The following ZNF431 variants were observed in gnomAD, a reference collection of about 807,000 sequenced individuals.
ZNF431 encodes zinc finger protein 431.
ZNF431 carries 34 observed loss-of-function variants against 57.0 expected under a neutral mutation model. The ratio of observed to expected loss-of-function variants is 0.60; its 90% CI spans 0.45 to 0.79. ZNF431 has a LOEUF of 0.79. ZNF431 is among the 30% of genes least tolerant of loss of function. The probability of loss-of-function intolerance (pLI) is 0.00; values close to 1 mark genes in which losing one functional copy is unlikely to be tolerated. For synonymous variants in ZNF431, 207 were observed against 220.3 expected, an observed-to-expected ratio of 0.94 and a Z score of 0.54; for missense variants, 607 against 667.1, an observed-to-expected ratio of 0.91 and a Z score of 0.99.
In ZNF431 at chr19:21,156,578, T is replaced by C. The variant is rs558458824; in HGVS notation, c.97-9757T>C. 2.4e-4 allele frequency among the ~76,000 whole-genome samples: 37 copies of C among 152,262 alleles called. 1 individual carries two copies. In the South Asian group the frequency reaches 7.0e-3, roughly 29 times the overall value. ...TCTGTCGTTCCCTTCTTTGTGTCCA[T>C]GTGTTATTATTATTTAGCTCTTATA... On this transcript the variant is annotated intron_variant, in intron 2 of 4. Transcript: ENST00000311048.
At chr19:21,167,047 A>C (rs1970738511) in intron 3 of ZNF431, among the ~76,000 whole-genome samples, 2 of 152,090 alleles carry the variant, frequency 1.3e-5, no homozygotes, top group South Asian at 4.1e-4. Flanking sequence ...TAGTAGATAC[A>C]GTGTTTCACC....
chr19:21,163,331 A>G (rs987813459), intron 2 of ZNF431, among the ~76,000 whole-genome samples: 2 of 152,196 alleles, frequency 1.3e-5, no homozygotes, highest in South Asian at 4.1e-4. Context: ...TGTACCAGAA[A>G]TATTTGTGTT....
In ZNF431 at chr19:21,182,936, A is replaced by C. The variant is rs775080625; in HGVS notation, c.633A>C (p.Lys211Asn). Residue 211 changes from lysine to asparagine, a missense_variant, in exon 5 of 5, where the codon AAA becomes AAC. By Grantham distance (94) the Lys-to-Asn change is moderately conservative. Coordinates refer to ENST00000311048, the MANE Select transcript of ZNF431 (RefSeq NM_133473.4). The part of the protein sequence containing the change: ...KKPFKCKKCG[K>N]SFCMLLHLSQ... ...CTTTCAAATGTAAAAAATGTGGCAA[A>C]TCATTTTGCATGCTTTTACACCTAA... is the stretch of plus-strand genomic sequence containing the variant. The C allele has an allele frequency of 1.9e-5, 31 of 1,613,984 alleles. No individual in the cohort carries two copies. The highest frequency in any genetic ancestry group is 3.3e-5 in the South Asian group (3 of 91,076).
Position 21,189,971 on chromosome 19 carries a change from C to G in ZNF431, c.*5937C>G, listed in dbSNP as rs2145075847. ...CCAGCCTGGACAACGTGGAAAAACC[C>G]CATCTCTACTAAAAATACAAAAACA... is the stretch of plus-strand genomic sequence containing the variant. On this transcript the variant is annotated 3_prime_UTR_variant, in exon 5 of 5. Transcript: ENST00000311048. 2 of 397,318 alleles carry G rather than the reference C, an allele frequency of 5.0e-6. No homozygotes were observed. The highest frequency in any genetic ancestry group is 8.9e-6 in the Non-Finnish European group (2 of 225,838). The allele number at this position is 397,318 out of a possible 1,614,324, so 24.6% of individuals were successfully genotyped here.
chr19:21,143,138 C>T (rs1952059774), intron 1 of ZNF431, among the ~76,000 whole-genome samples: 1 of 152,060 alleles, frequency 6.6e-6, no homozygotes, highest in Non-Finnish European at 1.5e-5. Context: ...CCCTAATTCA[C>T]GTTATCGCCT....
At chr19:21,179,749 G>C (rs1404534074) in intron 4 of ZNF431, among the ~76,000 whole-genome samples, 1 of 151,800 alleles carries the variant, frequency 6.6e-6, no homozygotes, top group Non-Finnish European at 1.5e-5. Context: ...TAGTAGAGAC[G>C]GGGTTTCACC....
In ZNF431 at chr19:21,187,683, T is replaced by C. The variant is rs1971408828; in HGVS notation, c.*3649T>C. 6.6e-6 allele frequency: 1 copy of C among 151,354 alleles called. No individual in the cohort carries two copies. Among genetic ancestry groups the C allele is most frequent in the African/African-American group, 2.4e-5 (1 of 41,152 alleles). The allele number at this position is 151,354 out of a possible 1,614,324, so 9.4% of individuals were successfully genotyped here. A position where few individuals can be genotyped will look rare whatever the true frequency, so the allele number is the denominator to read the frequency against. On this transcript the variant is annotated 3_prime_UTR_variant, in exon 5 of 5. Transcript: ENST00000311048. The stretch of plus-strand genomic sequence containing the variant: ...AACACGACAGGTGGAGGTTGCAGTG[T>C]GGCGAGATTGCACCATTGCACTCCA...
At position 21,186,998 on chromosome 19, in the gene ZNF431, T is replaced by A. The variant is rs1971388446; in HGVS notation, c.*2964T>A. 6.6e-6 allele frequency: 1 copy of A among 152,182 alleles called. No individual in the cohort carries two copies. The highest frequency in any genetic ancestry group is 6.6e-5 in the Admixed American group (1 of 15,266). The allele number at this position is 152,182 out of a possible 1,614,324, so 9.4% of individuals were successfully genotyped here. A position where few individuals can be genotyped will look rare whatever the true frequency, so the allele number is the denominator to read the frequency against. On this transcript the variant is annotated 3_prime_UTR_variant, in exon 5 of 5. Transcript: ENST00000311048. ...TTCATTAGTCATGAGGATGTTTTTATATATAAATGTAGCAAACATATATTA... is the reference window on the plus strand; with the variant it reads ...TTCATTAGTCATGAGGATGTTTTTAAATATAAATGTAGCAAACATATATTA...
At position 21,187,201 on chromosome 19, in the gene ZNF431, C is replaced by T. The variant is rs1231632324; in HGVS notation, c.*3167C>T. 1 of 151,936 alleles carries T rather than the reference C, an allele frequency of 6.6e-6. No individual in the cohort carries two copies. Among genetic ancestry groups the T allele is most frequent in the Non-Finnish European group, 1.5e-5 (1 of 68,000 alleles). 9.4% of individuals were successfully genotyped at this position (151,936 alleles called of 1,614,324 possible). ...ATCTTGTTGAATTTAAAGAGAAATTCTGGCAGAGGCAGATGAATCACCTGA... is the reference window on the plus strand; with the variant it reads ...ATCTTGTTGAATTTAAAGAGAAATTTTGGCAGAGGCAGATGAATCACCTGA... On this transcript the variant is annotated 3_prime_UTR_variant, in exon 5 of 5. Transcript: ENST00000311048.
At chr19:21,151,239 TAC>T (rs1225632664) in intron 2 of ZNF431, 4 of 152,110 alleles carry the variant, frequency 2.6e-5, no homozygotes, top group Non-Finnish European at 5.9e-5. Context: ...GTATTTTTAG[TAC>T]AGATGGGGTT....
In ZNF431 at chr19:21,175,026, G is replaced by A. The variant is rs535801504; in HGVS notation, c.319+7360G>A. ...CCCGCCTTGGCCTCCCAAAGTGCTG[G>A]GATTACAGGCATGAGCCGCTGCACC... On this transcript the variant is annotated intron_variant, in intron 4 of 4. Transcript: ENST00000311048. Among the ~76,000 whole-genome samples the A allele has an allele frequency of 3.8e-4, 58 of 151,638 alleles. 1 individual carries two copies. The highest frequency in any genetic ancestry group is 3.4e-3 in the Middle Eastern group (1 of 292).
At position 21,191,830 on chromosome 19, in the gene ZNF431, T is replaced by G. The variant is rs1398416746; in HGVS notation, c.*7796T>G. ...TAGTCACTTCTTTTGTCTTGATTGC[T>G]TTGGCTATTCAGGGTCTTTTGTGAT... On this transcript the variant is annotated 3_prime_UTR_variant, in exon 5 of 5. Coordinates refer to ENST00000311048, the MANE Select transcript of ZNF431 (RefSeq NM_133473.4). 6.6e-6 allele frequency: 1 copy of G among 152,234 alleles called. No individual in the cohort carries two copies. The highest frequency in any genetic ancestry group is 1.5e-5 in the Non-Finnish European group (1 of 68,042). The allele number at this position is 152,234 out of a possible 1,614,324, so 9.4% of individuals were successfully genotyped here.
At chr19:21,180,944 G>GAA (rs926830855) in intron 4 of ZNF431, among the ~76,000 whole-genome samples, 3 of 68,050 alleles carry the variant, frequency 4.4e-5, no homozygotes, top group Non-Finnish European at 9.5e-5. Context: ...CATATCAAAA[G>GAA]AAAAAAAAAA....
chr19:21,174,993 G>A (rs976247672), intron 4 of ZNF431, among the ~76,000 whole-genome samples: 4 of 151,962 alleles, frequency 2.6e-5, no homozygotes, highest in East Asian at 1.9e-4. Context: ...ATCTGACCTC[G>A]TGATCTGCCC....
At chr19:21,177,140 C>T (rs2145033107) in intron 4 of ZNF431, among the ~76,000 whole-genome samples, 1 of 152,232 alleles carries the variant, frequency 6.6e-6, no homozygotes, top group East Asian at 1.9e-4. Context: ...CCTAGATTTT[C>T]TTCAGGGGTT....
chr19:21,183,719 T>G lies in ZNF431; in HGVS notation c.1416T>G (p.Thr472=), dbSNP rs1335545009. The change falls in exon 5 of 5, where the codon ACT becomes ACG. Residue 472 remains threonine, a synonymous_variant. Transcript: ENST00000311048. ...CTTTTAGCCAGTCATCAATCCTTAC[T>G]ACACATAAGAGAATTCACACTGGAG... ...GKAFSQSSIL[T]THKRIHTGEK... is the part of the protein sequence containing the mutation. 6.2e-7 allele frequency: 1 copy of G among 1,613,746 alleles called. No homozygotes were observed. Among genetic ancestry groups the G allele is most frequent in the African/African-American group, 1.3e-5 (1 of 74,936 alleles).
Position 21,182,834 on chromosome 19 carries a change from A to T in ZNF431, c.531A>T (p.Pro177=), listed in dbSNP as rs751459751. 8.7e-6 allele frequency: 14 copies of T among 1,613,904 alleles called. No individual in the cohort carries two copies. Among genetic ancestry groups the T allele is most frequent in the African/African-American group, 1.3e-5 (1 of 74,948 alleles). The change falls in exon 5 of 5, where the codon CCA becomes CCT. Residue 177 remains proline (P), a synonymous_variant. Coordinates refer to ENST00000311048, the MANE Select transcript of ZNF431 (RefSeq NM_133473.4). ...CLTTTQSKIF[P]CDKYVKVFHK... ...CAACTACCCAGAGCAAAATATTTCC[A>T]TGTGATAAATATGTGAAAGTCTTTC...
intron 4 of ZNF431, among the ~76,000 whole-genome samples, chr19:21,181,054 G>A (rs1971197849): frequency 6.6e-6 from 1 of 150,564 alleles, no homozygotes; most frequent in South Asian, 2.1e-4. Context: ...TTGTATATTT[G>A]CTAACAAATG....
rs909968124 is a variant in ZNF431, at chr19:21,195,445, T to C, written c.*11411T>C. 6.6e-6 allele frequency: 1 copy of C among 152,172 alleles called. No homozygotes were observed. Among genetic ancestry groups the C allele is most frequent in the African/African-American group, 2.4e-5 (1 of 41,434 alleles). 9.4% of individuals were successfully genotyped at this position (152,172 alleles called of 1,614,324 possible). ...TCCAACTTTTTTAAAAGATACACAA[T>C]TTTCTAAAAAATTTTTCTTTATGGG... On this transcript the variant is annotated 3_prime_UTR_variant, in exon 5 of 5. Transcript: ENST00000311048.
Sources: allele counts gnomAD v4.1 joint callset (sites outside exome capture counted in the v4.1 genomes callset), GRCh38; gene constraint gnomAD v4.1.1; transcripts MANE v1.5; gene names NCBI Gene and HGNC (gene_info 2026-07-23, HGNC 2026-07-21).